The following NRG1 variants were observed in gnomAD, a reference collection of about 807,000 sequenced individuals.
NRG1 encodes neuregulin 1.
NRG1 carries 18 observed loss-of-function variants against 63.8 expected under a neutral mutation model. The ratio of observed to expected loss-of-function variants is 0.28; its 90% CI spans 0.19 to 0.42. NRG1 has a LOEUF of 0.42. Ranked by LOEUF, NRG1 falls within the 10% of genes least tolerant of loss-of-function variation. The pLI, the probability that NRG1 is intolerant of heterozygous loss-of-function variation, is 1.00. For synonymous variants in NRG1, 302 were observed against 301.3 expected (o/e 1.00, Z -0.02); for missense variants, 762 against 814.7 (o/e 0.94, Z 0.79).
intron 1 of NRG1, among the ~76,000 whole-genome samples, chr8:32,048,341 A>G (rs1315669800): frequency 2.7e-5 from 4 of 149,460 alleles, no homozygotes; most frequent in African/African-American, 7.3e-5. Flanking sequence ...ACATGTATGT[A>G]TGTATGAATA....
At chr8:32,187,765 C>T (rs1312297407) in intron 1 of NRG1, among the ~76,000 whole-genome samples, 1 of 152,104 alleles carries the variant, frequency 6.6e-6, no homozygotes, top group Non-Finnish European at 1.5e-5. Flanking sequence ...AAAAATCTTA[C>T]TAACAGGCTT....
At chr8:31,974,460 T>C (rs1807826013) in intron 1 of NRG1, among the ~76,000 whole-genome samples, 1 of 152,224 alleles carries the variant, frequency 6.6e-6, no homozygotes. Context: ...AATTTCTTAA[T>C]GATGTTTTTG....
At chr8:32,151,499 G>A (rs895178282) in intron 1 of NRG1, among the ~76,000 whole-genome samples, 1 of 152,164 alleles carries the variant, frequency 6.6e-6, no homozygotes, top group Non-Finnish European at 1.5e-5. Flanking sequence ...GTGGGGTTAG[G>A]TGTAGAACAG....
intron 1 of NRG1, among the ~76,000 whole-genome samples, chr8:31,699,799 A>G (rs1810452412): frequency 6.6e-6 from 1 of 152,084 alleles, no homozygotes; most frequent in African/African-American, 2.4e-5. Flanking sequence ...TGAGAGAAAA[A>G]GGGACCCTGG....
intron 5 of NRG1, among the ~76,000 whole-genome samples, chr8:32,659,861 C>T (rs1395214717): frequency 6.6e-6 from 1 of 152,108 alleles, no homozygotes; most frequent in Non-Finnish European, 1.5e-5. Flanking sequence ...CTCTCCTCTC[C>T]CAAATTCTAC....
At chr8:31,791,483 A>G (rs896153069) in intron 1 of NRG1, among the ~76,000 whole-genome samples, 4 of 152,188 alleles carry the variant, frequency 2.6e-5, no homozygotes, top group Non-Finnish European at 5.9e-5. Context: ...TTCCTTCAAG[A>G]TAAACGTTCA....
chr8:32,701,445 A>G (rs1447423724), intron 5 of NRG1, among the ~76,000 whole-genome samples: 1 of 152,292 alleles, frequency 6.6e-6, no homozygotes. Flanking sequence ...TTGCTCTCCC[A>G]GAAGAATAAC....
intron 1 of NRG1, among the ~76,000 whole-genome samples, chr8:31,784,614 C>T (rs537392528): frequency 8.5e-5 from 13 of 152,224 alleles, no homozygotes; most frequent in Admixed American, 5.2e-4. Flanking sequence ...CTAATAAACA[C>T]GTAGAATCTC....
chr8:32,366,038 G>T (rs1305397729), intron 1 of NRG1, among the ~76,000 whole-genome samples: 3 of 152,068 alleles, frequency 2.0e-5, no homozygotes, highest in Non-Finnish European at 2.9e-5. Flanking sequence ...GAGGTCAGTT[G>T]CTCCTCAAAA....
In NRG1 at chr8:32,336,573, C is replaced by T. The variant is rs57602946; in HGVS notation, c.38-259255C>T. On this transcript the variant is annotated intron_variant, in intron 1 of 10. Transcript: ENST00000519301. ...AGAGACCCAAGAGGCTAGTCAGTTT[C>T]GACTGGTGCTTAGAGGCCATGGTAG... Among the ~76,000 whole-genome samples the T allele has an allele frequency of 4.5e-3, 679 of 152,232 alleles. 4 individuals are homozygous for T. Among genetic ancestry groups the T allele is most frequent in the African/African-American group, 0.015 (637 of 41,542 alleles).
intron 1 of NRG1, among the ~76,000 whole-genome samples, chr8:31,771,685 T>C (rs923735923): frequency 6.6e-6 from 1 of 152,108 alleles, no homozygotes; most frequent in Non-Finnish European, 1.5e-5. Context: ...AGTGCCCAAG[T>C]TCTAAAAAAC....
At chr8:32,070,569 AT>A (rs1825602694) in intron 1 of NRG1, among the ~76,000 whole-genome samples, 1 of 152,018 alleles carries the variant, frequency 6.6e-6, no homozygotes, top group African/African-American at 2.4e-5. Flanking sequence ...ATTTTGATTT[AT>A]TTTCCTTTTC....
At chr8:32,469,226 A>G (rs1486675993) in intron 1 of NRG1, among the ~76,000 whole-genome samples, 1 of 152,206 alleles carries the variant, frequency 6.6e-6, no homozygotes, top group Non-Finnish European at 1.5e-5. Context: ...AGTTTTCTAT[A>G]ATGACAAAGA....
chr8:32,420,293 C>T (rs1203280208), intron 1 of NRG1, among the ~76,000 whole-genome samples: 1 of 152,070 alleles, frequency 6.6e-6, no homozygotes, highest in African/African-American at 2.4e-5. Context: ...CTCTCAGGAC[C>T]ACATTTATTT....
At position 31,640,003 on chromosome 8, in the gene NRG1, C is replaced by A; in HGVS notation, c.37+572C>A. The stretch of plus-strand genomic sequence containing the variant: ...TCGCACCATGAGATGGCGACGCGCC[C>A]CGCGCCGCTCCGGGCGTCCCGGCCC... On this transcript the variant is annotated intron_variant, in intron 1 of 10. Coordinates refer to the NRG1 transcript ENST00000519301. This position sits in a 1 kb window ranked among gnomAD's most constrained non-coding sequence, Gnocchi z 6.3. 8.9e-7 allele frequency: 1 copy of A among 1,126,270 alleles called. No homozygotes were observed. The highest frequency in any genetic ancestry group is 1.1e-6 in the Non-Finnish European group (1 of 921,654). The allele number at this position is 1,126,270 out of a possible 1,614,324, so 69.8% of individuals were successfully genotyped here.
intron 1 of NRG1, among the ~76,000 whole-genome samples, chr8:31,834,351 TA>T (rs1356554643): frequency 1.4e-5 from 2 of 145,874 alleles, no homozygotes; most frequent in Non-Finnish European, 3.0e-5. Flanking sequence ...TTGTTTAAAA[TA>T]AAAAAAGATT....
chr8:32,599,077 A>G (rs1022360248), intron 2 of NRG1, among the ~76,000 whole-genome samples: 2 of 152,122 alleles, frequency 1.3e-5, no homozygotes, highest in African/African-American at 4.8e-5. Flanking sequence ...TGATTATGCT[A>G]CATAAAGTTA....
chr8:31,851,964 T>G (rs1827278530), intron 1 of NRG1, among the ~76,000 whole-genome samples: 1 of 150,942 alleles, frequency 6.6e-6, no homozygotes, highest in African/African-American at 2.4e-5. Context: ...CTGCATAGTA[T>G]TCCATGGTGT....
intron 1 of NRG1, among the ~76,000 whole-genome samples, chr8:32,001,356 C>T (rs779920336): frequency 2.6e-5 from 4 of 151,930 alleles, no homozygotes; most frequent in Admixed American, 6.6e-5. Context: ...TGCACATGCT[C>T]TCTTGCCTGC....
Sources: allele counts gnomAD v4.1 joint callset (sites outside exome capture counted in the v4.1 genomes callset), GRCh38; gene constraint gnomAD v4.1.1; non-coding constraint Gnocchi (gnomAD v3.1); transcripts MANE v1.5; gene names NCBI Gene and HGNC (gene_info 2026-07-23, HGNC 2026-07-21).